The following GPR22 variants were observed in gnomAD, a reference collection of about 807,000 sequenced individuals.
GPR22 encodes G protein-coupled receptor 22.
GPR22 carries 13 observed loss-of-function variants against 31.0 expected under a neutral mutation model. The ratio of observed to expected loss-of-function variants is 0.42; its 90% CI spans 0.27 to 0.67. GPR22 has a LOEUF of 0.67. Ranked by LOEUF, GPR22 falls within the 30% of genes least tolerant of loss-of-function variation. The pLI is 0.25. For synonymous variants in GPR22, 191 were observed against 173.4 expected, an observed-to-expected ratio of 1.10 and a Z score of -0.80; for missense variants, 368 against 509.6, an observed-to-expected ratio of 0.72 and a Z score of 2.67.
At chr7:107,471,137 T>G (rs1031067411) in intron 1 of GPR22, among the ~76,000 whole-genome samples, 1 of 152,056 alleles carries the variant, frequency 6.6e-6, no homozygotes, top group African/African-American at 2.4e-5. Flanking sequence ...TCTCTCACAA[T>G]TGTATTTGAA....
chr7:107,474,907 G>T lies in GPR22; in HGVS notation c.847G>T (p.Gly283Cys). 4.3e-6 allele frequency: 7 copies of T among 1,613,160 alleles called. No homozygotes were observed. Among genetic ancestry groups the T allele is most frequent in the Non-Finnish European group, 5.9e-6 (7 of 1,179,490 alleles). ...QSSGGRNVVF[G>C]VRTSVSVIIA... is the part of the protein sequence containing the mutation. ...CAGTGGTGGGAGAAATGTAGTCTTTGGTGTAAGAACTTCAGTTTCTGTAAT... is the reference window on the plus strand; with the variant it reads ...CAGTGGTGGGAGAAATGTAGTCTTTTGTGTAAGAACTTCAGTTTCTGTAAT... The change falls in exon 3 of 3, where the codon GGT becomes TGT. Residue 283 changes from glycine (G) to cysteine (C), a missense_variant. Physicochemically the swap from Gly to Cys is radical, Grantham distance 159 (BLOSUM62 -3). Transcript: ENST00000304402. The surrounding 1 kb of genome is among the most constrained non-coding windows in gnomAD (Gnocchi z 5.7).
chr7:107,474,882 C>G lies in GPR22; in HGVS notation c.822C>G (p.Ser274Arg). ...TQHEATDMSQSSGGRNVVFGV... is the reference protein window; with the variant it reads ...TQHEATDMSQRSGGRNVVFGV... ...ATGAGGCTACAGACATGTCACAAAGCAGTGGTGGGAGAAATGTAGTCTTTG... is the reference window on the plus strand; with the variant it reads ...ATGAGGCTACAGACATGTCACAAAGGAGTGGTGGGAGAAATGTAGTCTTTG... The change falls in exon 3 of 3, where the codon AGC (serine) becomes AGG (arginine). Residue 274 changes from serine to arginine, a missense_variant. Transcript: ENST00000304402. This position sits in a 1 kb window ranked among gnomAD's most constrained non-coding sequence, Gnocchi z 5.7. 2 of 1,613,058 alleles carry G rather than the reference C, an allele frequency of 1.2e-6. No individual in the cohort carries two copies. Among genetic ancestry groups the G allele is most frequent in the Non-Finnish European group, 1.7e-6 (2 of 1,179,372 alleles).
chr7:107,476,722 T>C (rs571056419), downstream of GPR22, among the ~76,000 whole-genome samples: 5 of 151,762 alleles, frequency 3.3e-5, no homozygotes, highest in Non-Finnish European at 7.4e-5. Flanking sequence ...GCATTGTAAT[T>C]GGTCAGCTGA....
Position 107,474,226 on chromosome 7 carries a change from C to T in GPR22, c.166C>T (p.Leu56Phe), listed in dbSNP as rs1350127913. 3.1e-6 allele frequency: 5 copies of T among 1,613,094 alleles called. No individual in the cohort carries two copies. The highest frequency in any genetic ancestry group is 3.4e-6 in the Non-Finnish European group (4 of 1,179,322). ...GFLMLEIVLGLGSNLTVLVLY... is the reference protein window; with the variant it reads ...GFLMLEIVLGFGSNLTVLVLY... ...TCTTATGTTAGAAATTGTGTTGGGA[C>T]TTGGCAGCAACCTCACTGTATTGGT... is the stretch of plus-strand genomic sequence containing the variant. The change falls in exon 3 of 3, where the codon CTT (leucine) becomes TTT (phenylalanine). Residue 56 changes from leucine (L) to phenylalanine (F), a missense_variant. Transcript: ENST00000304402. The surrounding 1 kb of genome is among the most constrained non-coding windows in gnomAD (Gnocchi z 5.7).
rs1796681109 is a variant in GPR22 at position 107,472,299 on chromosome 7, T to C, written c.-30T>C. On this transcript the variant is annotated 5_prime_UTR_variant, in exon 2 of 3. Transcript: ENST00000304402. ...ATAAAACACAGCTACTTCACTGTTG[T>C]CAGGTAAAAATTCATGTCAAAATCT... 1 of 151,954 alleles carries C rather than the reference T, an allele frequency of 6.6e-6. No individual in the cohort carries two copies. The highest frequency in any genetic ancestry group is 1.5e-5 in the Non-Finnish European group (1 of 67,902). The allele number at this position is 151,954 out of a possible 1,614,324, so 9.4% of individuals were successfully genotyped here.
Position 107,475,131 on chromosome 7 carries a change from T to C in GPR22, c.1071T>C (p.Tyr357=). ...KLRLCFLVMA[Y]GTTIFHPLLY... ...GATTGTGTTTTTTAGTCATGGCTTA[T>C]GGAACAACTATATTTCACCCTCTAT... The change falls in exon 3 of 3, where the codon TAT becomes TAC. Residue 357 remains tyrosine, a synonymous_variant. Coordinates refer to ENST00000304402, the MANE Select transcript of GPR22 (RefSeq NM_005295.3). 1.9e-6 allele frequency: 3 copies of C among 1,610,680 alleles called. No individual in the cohort carries two copies. The highest frequency in any genetic ancestry group is 4.5e-5 in the East Asian group (2 of 44,860).
downstream of GPR22, among the ~76,000 whole-genome samples, chr7:107,477,801 T>C (rs1797079575): frequency 6.6e-6 from 1 of 151,910 alleles, no homozygotes; most frequent in African/African-American, 2.4e-5. Flanking sequence ...ATGAGAAGCT[T>C]AGACAACTTT....
In GPR22 at chr7:107,475,001, T is replaced by C; in HGVS notation, c.941T>C (p.Met314Thr). The C allele has an allele frequency of 6.2e-7, 1 of 1,612,842 alleles. No homozygotes were observed. The highest frequency in any genetic ancestry group is 8.5e-7 in the Non-Finnish European group (1 of 1,179,258). ...GAAAGACAAAAGAGAGTCTTCAGGA[T>C]GTCTTTATTGATTATTTCTACATTT... ...RRERQKRVFR[M>T]SLLIISTFLL... The change falls in exon 3 of 3, where the codon ATG becomes ACG. Residue 314 changes from methionine (M) to threonine (T), a missense_variant. By Grantham distance (81) the Met-to-Thr change is moderately conservative. Coordinates refer to ENST00000304402, the MANE Select transcript of GPR22 (RefSeq NM_005295.3).
downstream of GPR22, chr7:107,475,748 T>C (rs1164867919): frequency 1.2e-5 from 2 of 171,470 alleles, no homozygotes; most frequent in East Asian, 1.9e-4. Flanking sequence ...AAACTACAGA[T>C]ATATTTAGAT....
intron 1 of GPR22, 93 bp downstream of exon 1, chr7:107,470,538 AGTTT>A (rs1796572570): frequency 6.6e-6 from 1 of 152,134 alleles, no homozygotes; most frequent in African/African-American, 2.4e-5. Context: ...AAATTTTAAG[AGTTT>A]GTTTAATTCT....
downstream of GPR22, among the ~76,000 whole-genome samples, chr7:107,476,813 A>C (rs1284551688): frequency 6.6e-6 from 1 of 151,700 alleles, no homozygotes; most frequent in African/African-American, 2.4e-5. Context: ...TAAATGTCTA[A>C]AAATTCAATA....
chr7:107,476,850 A>G (rs1021177348), downstream of GPR22, among the ~76,000 whole-genome samples: 3 of 151,694 alleles, frequency 2.0e-5, no homozygotes, highest in Non-Finnish European at 3.0e-5. Context: ...TAAATAAATG[A>G]GATTTATCCA....
chr7:107,476,102 C>T (rs1383960209), downstream of GPR22, among the ~76,000 whole-genome samples: 2 of 145,552 alleles, frequency 1.4e-5, no homozygotes, highest in Non-Finnish European at 3.0e-5. Flanking sequence ...AGGAAGAATA[C>T]TAAAACACCA....
chr7:107,470,834 C>T (rs1349275497), intron 1 of GPR22, among the ~76,000 whole-genome samples: 1 of 151,956 alleles, frequency 6.6e-6, no homozygotes, highest in African/African-American at 2.4e-5. Context: ...GGCATGTTCA[C>T]TGAAAATTAA....
At chr7:107,470,655 A>G (rs1427866579) in intron 1 of GPR22, among the ~76,000 whole-genome samples, 4 of 152,114 alleles carry the variant, frequency 2.6e-5, no homozygotes, top group African/African-American at 9.7e-5. Context: ...TATTCTTTGT[A>G]AATTCATTAT....
rs778799925 is a variant in GPR22, at chr7:107,474,708, G to C, written c.648G>C (p.Gln216His). ...GAATGTATTATCACCTGTTAGTACA[G>C]ATCCCAATATTCTTTTTCACTGTTG... ...ELGMYYHLLV[Q>H]IPIFFFTVVV... is the part of the protein sequence containing the mutation. The change falls in exon 3 of 3, where the codon CAG (glutamine) becomes CAC (histidine). Residue 216 changes from glutamine (Q) to histidine (H), a missense_variant. Transcript: ENST00000304402. The surrounding 1 kb of genome is among the most constrained non-coding windows in gnomAD (Gnocchi z 5.7). 5 of 1,610,938 alleles carry C rather than the reference G, an allele frequency of 3.1e-6. No homozygotes were observed. The highest frequency in any genetic ancestry group is 4.2e-6 in the Non-Finnish European group (5 of 1,178,080).
chr7:107,476,184 T>TAAAAAAAAAAA (rs34741713), downstream of GPR22, among the ~76,000 whole-genome samples: 3 of 44,046 alleles, frequency 6.8e-5, no homozygotes, highest in Non-Finnish European at 1.3e-4. Flanking sequence ...GCAATGATTT[T>TAAAAAAAAAAA]AAAAAAAAAA....
At chr7:107,473,595 A>C (rs1938239825) in intron 2 of GPR22, among the ~76,000 whole-genome samples, 1 of 152,066 alleles carries the variant, frequency 6.6e-6, no homozygotes, top group East Asian at 1.9e-4. Context: ...ATCTCACAGG[A>C]ATAATTACAC....
At chr7:107,473,128 T>A (rs1796740335) in intron 2 of GPR22, 1 of 151,860 alleles carries the variant, frequency 6.6e-6, no homozygotes, top group Admixed American at 6.6e-5. Context: ...CTTCACATAC[T>A]CCTTTTCCCT....
Sources: allele counts gnomAD v4.1 joint callset (sites outside exome capture counted in the v4.1 genomes callset), GRCh38; gene constraint gnomAD v4.1.1; non-coding constraint Gnocchi (gnomAD v3.1); transcripts MANE v1.5; gene names NCBI Gene and HGNC (gene_info 2026-07-23, HGNC 2026-07-21).